The following CELF1 variants were observed in gnomAD, a reference collection of about 807,000 sequenced individuals.
CELF1 encodes the protein CUGBP Elav-like family member 1, also known as 50 kDa nuclear polyadenylated RNA-binding protein.
A neutral mutation model predicts 61.8 loss-of-function variants in CELF1; 10 were observed. The ratio of observed to expected loss-of-function variants is 0.16; its 90% CI spans 0.10 to 0.27. The LOEUF (loss-of-function observed/expected upper bound fraction) is 0.27. Among genes scored for constraint, CELF1 ranks in the 10% least tolerant of loss-of-function variants. The pLI, the probability that CELF1 is intolerant of heterozygous loss-of-function variation, is 1.00. For synonymous variants in CELF1, 236 were observed against 225.1 expected, an observed-to-expected ratio of 1.05 and a Z score of -0.43; for missense variants, 380 against 639.1, an observed-to-expected ratio of 0.59 and a Z score of 4.37.
At position 47,468,223 on chromosome 11, in the gene CELF1, GAA is replaced by G. The variant is rs2077000268; in HGVS notation, c.*4005_*4006del. 1 of 152,026 alleles carries G rather than the reference GAA, an allele frequency of 6.6e-6. No individual in the cohort carries two copies. Among genetic ancestry groups the G allele is most frequent in the Admixed American group, 6.6e-5 (1 of 15,258 alleles). 9.4% of individuals were successfully genotyped at this position (152,026 alleles called of 1,614,324 possible). ...CCAGGGAAGAACCACAAAAGAAAAA[GAA>G]AAAGAAAAAGGGCTGGCTGGGGCCC... On this transcript the variant is annotated 3_prime_UTR_variant, in exon 15 of 15. Coordinates refer to ENST00000687097, the MANE Select transcript of CELF1 (RefSeq NM_001376376.1).
chr11:47,522,394 T>C (rs903186011), intron 1 of CELF1, among the ~76,000 whole-genome samples: 2 of 143,822 alleles, frequency 1.4e-5, no homozygotes, highest in Admixed American at 7.1e-5. Context: ...GGCATGGTGG[T>C]GGGCGTCTGA....
chr11:47,477,414 T>C lies in CELF1; in HGVS notation c.856A>G (p.Met286Val), dbSNP rs1398551786. ...AGTGCAGCCAAATTCTGTAACTGCA[T>C]TGCATTCAACCCTACAACATCCAAA... ...SLHPMGGLNA[M>V]QLQNLAALAA... The change falls in exon 11 of 15, where the codon ATG (methionine) becomes GTG (valine). Residue 286 changes from methionine (M) to valine (V), a missense_variant. Physicochemically the swap from Met to Val is conservative, Grantham distance 21 (BLOSUM62 1). Transcript: ENST00000687097. 6.2e-7 allele frequency: 1 copy of C among 1,613,718 alleles called. No homozygotes were observed. The highest frequency in any genetic ancestry group is 1.3e-5 in the African/African-American group (1 of 74,866).
At chr11:47,513,207 A>C (rs1269437750) in intron 1 of CELF1, among the ~76,000 whole-genome samples, 2 of 152,216 alleles carry the variant, frequency 1.3e-5, no homozygotes, top group African/African-American at 4.8e-5. Context: ...TAGTGATTTT[A>C]ATCTCATTTC....
intron 1 of CELF1, among the ~76,000 whole-genome samples, chr11:47,519,057 GAC>G (rs1165895168): frequency 6.6e-6 from 1 of 152,194 alleles, no homozygotes; most frequent in Non-Finnish European, 1.5e-5. Context: ...CACTTCCTGA[GAC>G]AGTTAGGTTA....
At chr11:47,511,699 C>A (rs1009872919) in intron 1 of CELF1, among the ~76,000 whole-genome samples, 1 of 152,146 alleles carries the variant, frequency 6.6e-6, no homozygotes, top group African/African-American at 2.4e-5. Context: ...CTCCATTTTG[C>A]AGATGAGAAA....
chr11:47,482,686 A>G lies in CELF1; in HGVS notation c.768+9T>C, dbSNP rs2084086741. On this transcript the variant is annotated intron_variant, in intron 9 of 14. Transcript: ENST00000687097. The stretch of plus-strand genomic sequence containing the variant: ...CACAGTCTGCAGAAAGCAAACCACA[A>G]AGACTCACTGCTAAATACTGGGGTC... 1.2e-6 allele frequency: 2 copies of G among 1,611,122 alleles called. No individual in the cohort carries two copies. The highest frequency in any genetic ancestry group is 1.3e-5 in the African/African-American group (1 of 74,850).
chr11:47,541,684 GTCAAA>G (rs2096778102), intron 1 of CELF1, among the ~76,000 whole-genome samples: 1 of 102,138 alleles, frequency 9.8e-6, no homozygotes, highest in African/African-American at 4.5e-5. Flanking sequence ...GGGCGAGACT[GTCAAA>G]GAAAGAAAGA....
At chr11:47,478,984 T>A (rs1565757249) in intron 9 of CELF1, 32 bp from the exon 10 acceptor site, 3 of 1,565,236 alleles carry the variant, frequency 1.9e-6, no homozygotes, top group East Asian at 4.5e-5. Context: ...AGAACAAGAG[T>A]GAGAGTGAGG....
At chr11:47,506,242 C>T (rs1404318999) in intron 1 of CELF1, among the ~76,000 whole-genome samples, 3 of 150,822 alleles carry the variant, frequency 2.0e-5, no homozygotes, top group Non-Finnish European at 4.4e-5. Flanking sequence ...CTGGCTAACA[C>T]GATGAAACCC....
chr11:47,520,753 G>T (rs2095844310), intron 1 of CELF1, among the ~76,000 whole-genome samples: 1 of 152,112 alleles, frequency 6.6e-6, no homozygotes, highest in African/African-American at 2.4e-5. Flanking sequence ...AGAGGTTGTG[G>T]TGAGCCAAGA....
chr11:47,510,882 C>CAGGAAGAAAAAGAATTTAGCT (rs1356433835), intron 1 of CELF1, among the ~76,000 whole-genome samples: 2 of 151,896 alleles, frequency 1.3e-5, no homozygotes, highest in African/African-American at 2.4e-5. Context: ...AGAATTTAGC[C>CAGGAAGAAAAAGAATTTAGCT]AGGAAGAAAA....
chr11:47,498,768 G>C lies in CELF1; in HGVS notation c.71+685C>G, dbSNP rs73461729. Among the ~76,000 whole-genome samples the C allele has an allele frequency of 3.9e-3, 598 of 152,276 alleles. 5 individuals are homozygous for C. The highest frequency in any genetic ancestry group is 0.014 in the African/African-American group (565 of 41,560). On this transcript the variant is annotated intron_variant, in intron 3 of 14. Transcript: ENST00000687097. ...GTTAGCATTTTGGCTGTGTACAACA[G>C]CAGTTCTTGGACAGTACTGCAAGCT...
intron 1 of CELF1, among the ~76,000 whole-genome samples, chr11:47,550,623 C>G (rs768757065): frequency 6.6e-5 from 10 of 151,660 alleles, no homozygotes; most frequent in Non-Finnish European, 1.5e-4. Flanking sequence ...GATAAAGACC[C>G]AATATTTAAC....
At chr11:47,551,689 G>A (rs905896420) in intron 1 of CELF1, among the ~76,000 whole-genome samples, 1 of 152,180 alleles carries the variant, frequency 6.6e-6, no homozygotes, top group Non-Finnish European at 1.5e-5. Flanking sequence ...CAATTCATGG[G>A]TAATCAAAGA....
At chr11:47,542,420 CA>C (rs919137437) in intron 1 of CELF1, among the ~76,000 whole-genome samples, 3 of 151,420 alleles carry the variant, frequency 2.0e-5, no homozygotes, top group Non-Finnish European at 4.4e-5. Flanking sequence ...AGTGGCACAT[CA>C]AATTTGATTA....
chr11:47,477,039 T>C, intron 11 of CELF1, 80 bp from the exon 12 acceptor site: 1 of 1,233,834 alleles, frequency 8.1e-7, no homozygotes, highest in Non-Finnish European at 1.2e-6. Context: ...ACTATCCAAG[T>C]ATGCTATTTG....
Position 47,535,688 on chromosome 11 carries a change from A to T in CELF1, c.-154+17304T>A, listed in dbSNP as rs150791986. On this transcript the variant is annotated intron_variant, in intron 1 of 14. Transcript: ENST00000687097. ...GAGCGAAACCCCATCTCAAAAAAAA[A>T]AAAAAAATAAATCATGTCTTGTTTT... Among the ~76,000 whole-genome samples, 1,275 of 150,808 alleles carry T rather than the reference A, an allele frequency of 8.5e-3. 30 individuals carry two copies. The highest frequency in any genetic ancestry group is 0.029 in the African/African-American group (1,193 of 40,986).
chr11:47,493,513 G>GAAAAAAAA (rs35976407), intron 3 of CELF1, among the ~76,000 whole-genome samples: 2 of 84,912 alleles, frequency 2.4e-5, no homozygotes, highest in Non-Finnish European at 4.5e-5. Context: ...ATCTCAAAAA[G>GAAAAAAAA]AAAAAAAAAA....
intron 1 of CELF1, among the ~76,000 whole-genome samples, chr11:47,520,063 AAAC>A (rs1453497140): frequency 6.6e-6 from 1 of 152,114 alleles, no homozygotes; most frequent in Non-Finnish European, 1.5e-5. Context: ...CATTTTTAGA[AAAC>A]ATCTACTATA....
Sources: allele counts gnomAD v4.1 joint callset (sites outside exome capture counted in the v4.1 genomes callset), GRCh38; gene constraint gnomAD v4.1.1; transcripts MANE v1.5; gene names NCBI Gene and HGNC (gene_info 2026-07-23, HGNC 2026-07-21).